NAALADL2: variants seen among roughly 807,000 people sequenced by gnomAD.
The protein encoded by NAALADL2 is N-acetylated alpha-linked acidic dipeptidase like 2.
NAALADL2 carries 76 observed loss-of-function variants against 87.2 expected under a neutral mutation model. The ratio of observed to expected loss-of-function variants is 0.87; its 90% CI spans 0.72 to 1.05. NAALADL2 has a LOEUF of 1.05. Among genes scored for constraint, NAALADL2 ranks in the 50% least tolerant of loss-of-function variants. The probability of loss-of-function intolerance (pLI) is 0.00; values close to 1 mark genes in which losing one functional copy is unlikely to be tolerated. For missense variants in NAALADL2, 1,089 were observed against 945.8 expected (o/e 1.15, Z -1.99); for synonymous variants, 354 against 331.0 (o/e 1.07, Z -0.75).
At chr3:175,614,284 C>A (rs1309468378) in intron 10 of NAALADL2, among the ~76,000 whole-genome samples, 1 of 152,192 alleles carries the variant, frequency 6.6e-6, no homozygotes, top group Non-Finnish European at 1.5e-5. Context: ...AACTCTTGAA[C>A]TCATGATCTG....
At chr3:175,355,883 A>G (rs547468663) in intron 5 of NAALADL2, among the ~76,000 whole-genome samples, 5 of 152,296 alleles carry the variant, frequency 3.3e-5, no homozygotes, top group African/African-American at 1.2e-4. Flanking sequence ...TGGCAAGTGA[A>G]GCTTGAACTT....
intron 2 of NAALADL2, among the ~76,000 whole-genome samples, chr3:175,216,644 AT>A (rs1383118770): frequency 1.1e-3 from 146 of 132,068 alleles, no homozygotes; most frequent in African/African-American, 3.9e-3. Context: ...TTGACAAGCA[AT>A]TTTTTTTCTT....
intron 11 of NAALADL2, among the ~76,000 whole-genome samples, chr3:175,641,955 C>A (rs1729348499): frequency 6.6e-6 from 1 of 152,028 alleles, no homozygotes; most frequent in Admixed American, 6.6e-5. Context: ...AAAAATGAAT[C>A]ATGTGCACAA....
At chr3:175,061,612 A>G (rs1243292160) in intron 1 of NAALADL2, among the ~76,000 whole-genome samples, 1 of 151,972 alleles carries the variant, frequency 6.6e-6, no homozygotes, top group African/African-American at 2.4e-5. Flanking sequence ...TCCAAATTTG[A>G]ATCAAAAATA....
At chr3:175,775,130 A>G (rs1006787572) in intron 13 of NAALADL2, 1 of 149,604 alleles carries the variant, frequency 6.7e-6, no homozygotes, top group African/African-American at 2.5e-5. Context: ...CATTACCCCA[A>G]CTGTGGTTGG....
intron 2 of NAALADL2, among the ~76,000 whole-genome samples, chr3:175,221,188 G>A (rs1743310439): frequency 7.9e-6 from 1 of 126,920 alleles, no homozygotes; most frequent in African/African-American, 3.1e-5. Context: ...GACAGAGCAA[G>A]ACTCCGTTTT....
Position 175,534,856 on chromosome 3 carries a change from C to G in NAALADL2, c.1654-41185C>G, listed in dbSNP as rs1261816394. On this transcript the variant is annotated intron_variant, in intron 9 of 13. Coordinates refer to ENST00000454872, the MANE Select transcript of NAALADL2 (RefSeq NM_207015.3). The stretch of plus-strand genomic sequence containing the variant: ...CAAACTGGTTTATCTCAAAGTTACA[C>G]AGCAGTTGCAGTAGTTCTTGCCTTT... Among the ~76,000 whole-genome samples, 3 of 151,858 alleles carry G rather than the reference C, an allele frequency of 2.0e-5. No individual in the cohort carries two copies. In the Middle Eastern group the frequency reaches 0.01, roughly 517 times the overall value.
Position 175,096,945 on chromosome 3 carries a change from G to C in NAALADL2, c.199G>C (p.Asp67His), listed in dbSNP as rs575042775. The change falls in exon 2 of 14, where the codon GAC becomes CAC. Residue 67 changes from aspartate to histidine, a missense_variant. Coordinates refer to ENST00000454872, the MANE Select transcript of NAALADL2 (RefSeq NM_207015.3). ...GTCTGGTTTTGACCAATTCCAGCTAGACGGTGCTGAGAATCAGAACCTAGG... is the reference window on the plus strand; with the variant it reads ...GTCTGGTTTTGACCAATTCCAGCTACACGGTGCTGAGAATCAGAACCTAGG... ...EESGFDQFQLDGAENQNLGHS... is the reference protein window; with the variant it reads ...EESGFDQFQLHGAENQNLGHS... The C allele has an allele frequency of 1.1e-5, 17 of 1,613,364 alleles. No individual in the cohort carries two copies. The highest frequency in any genetic ancestry group is 1.4e-5 in the Non-Finnish European group (17 of 1,179,648).
chr3:174,820,184 G>A (rs562878207), intron 3 of NAALADL2, among the ~76,000 whole-genome samples: 1 of 152,266 alleles, frequency 6.6e-6, no homozygotes, highest in African/African-American at 2.4e-5. Context: ...GAGGCTACAG[G>A]TCATACCAAA....
intron 1 of NAALADL2, among the ~76,000 whole-genome samples, chr3:174,886,519 C>T (rs1164754442): frequency 2.0e-5 from 3 of 152,144 alleles, no homozygotes; most frequent in African/African-American, 4.8e-5. Flanking sequence ...TTAACCATCA[C>T]ACTTGCCATG....
chr3:174,796,294 T>C (rs1230626368), intron 3 of NAALADL2, among the ~76,000 whole-genome samples: 1 of 152,172 alleles, frequency 6.6e-6, no homozygotes, highest in East Asian at 1.9e-4. Context: ...ATACTGGTGG[T>C]CTGAGCTTTT....
intron 1 of NAALADL2, among the ~76,000 whole-genome samples, chr3:174,473,384 A>G (rs1717024425): frequency 6.6e-6 from 1 of 152,206 alleles, no homozygotes; most frequent in South Asian, 2.1e-4. Context: ...TTCAGTGTCA[A>G]GAGCCACCAT....
At chr3:174,996,443 G>A (rs985299411) in intron 1 of NAALADL2, among the ~76,000 whole-genome samples, 5 of 151,502 alleles carry the variant, frequency 3.3e-5, no homozygotes, top group African/African-American at 1.2e-4. Context: ...CTTGCAGTGA[G>A]CCGAGATCAT....
At chr3:174,902,176 T>C (rs1333003729) in intron 1 of NAALADL2, among the ~76,000 whole-genome samples, 1 of 152,254 alleles carries the variant, frequency 6.6e-6, no homozygotes, top group East Asian at 1.9e-4. Context: ...GCTAAACCCT[T>C]TTGTCCCATC....
chr3:174,669,055 A>G (rs1422940506), intron 2 of NAALADL2, among the ~76,000 whole-genome samples: 2 of 151,966 alleles, frequency 1.3e-5, no homozygotes, highest in African/African-American at 4.8e-5. Flanking sequence ...AAGTGTTCCA[A>G]TTTCTCCACA....
chr3:175,096,505 T>C (rs1209606914), intron 1 of NAALADL2, among the ~76,000 whole-genome samples: 1 of 110,402 alleles, frequency 9.1e-6, no homozygotes, highest in Non-Finnish European at 1.8e-5. Flanking sequence ...CGTGTGTGTG[T>C]GTGTGTGTGT....
At chr3:174,465,368 GC>G (rs1378450538) in intron 1 of NAALADL2, among the ~76,000 whole-genome samples, 4 of 152,120 alleles carry the variant, frequency 2.6e-5, no homozygotes, top group Non-Finnish European at 5.9e-5. Flanking sequence ...CCAAAGGCCA[GC>G]CCGGTATCTG....
intron 11 of NAALADL2, among the ~76,000 whole-genome samples, chr3:175,716,156 A>G (rs186094992): frequency 5.2e-4 from 75 of 142,988 alleles, no homozygotes; most frequent in Admixed American, 1.9e-3. Flanking sequence ...GTTATATATA[A>G]TATATAATAT....
intron 3 of NAALADL2, among the ~76,000 whole-genome samples, chr3:175,254,903 G>A (rs1749663965): frequency 6.6e-6 from 1 of 152,148 alleles, no homozygotes; most frequent in South Asian, 2.1e-4. Flanking sequence ...CCTGACAAAT[G>A]CATTTGAAAG....
Sources: allele counts gnomAD v4.1 joint callset (sites outside exome capture counted in the v4.1 genomes callset), GRCh38; gene constraint gnomAD v4.1.1; transcripts MANE v1.5; gene names NCBI Gene and HGNC (gene_info 2026-07-23, HGNC 2026-07-21).